The following TCEAL3 variants were observed in gnomAD, a reference collection of about 807,000 sequenced individuals.
TCEAL3 encodes transcription elongation factor A protein-like 3.
For synonymous variants in TCEAL3, 41 were observed against 60.2 expected (o/e 0.68, Z 1.48); for missense variants, 99 against 156.4 (o/e 0.63, Z 1.96).
At chrX:103,608,779 C>A in intron 2 of TCEAL3, 106 bp downstream of exon 2, 1 of 454,115 alleles carries the variant, frequency 2.2e-6, no homozygotes, top group Non-Finnish European at 3.6e-6. Context: ...CCATCCCCCA[C>A]TCACATGAAC....
In TCEAL3 at chrX:103,609,571, A is replaced by G. The variant is rs201938294; in HGVS notation, c.507A>G (p.Val169=). The G allele has an allele frequency of 1.8e-5, 22 of 1,209,618 alleles. No individual in the cohort carries two copies. The highest frequency in any genetic ancestry group is 2.5e-5 in the Non-Finnish European group (22 of 895,139). ...GTTTTCATTGGATGCAAAGAGATGT[A>G]CAGGATCCATTCGCCCCAAGGGGAC... ...MGGFHWMQRD[V]QDPFAPRGQR... is the part of the protein sequence containing the mutation. The change falls in exon 3 of 3, where the codon GTA becomes GTG. Residue 169 remains valine (V), a synonymous_variant. Coordinates refer to ENST00000372627, the MANE Select transcript of TCEAL3 (RefSeq NM_032926.3).
At chrX:103,608,436 G>T (rs2073639765) in intron 1 of TCEAL3, among the ~76,000 whole-genome samples, 168 bp from the exon 2 acceptor site, 1 of 112,283 alleles carries the variant, frequency 8.9e-6, no homozygotes, top group Admixed American at 9.3e-5. Context: ...AGTTTGGAAA[G>T]CATCCTGGTT....
rs761800942 is a variant in TCEAL3, at chrX:103,609,177, T to C, written c.113T>C (p.Val38Ala). 5 of 1,209,572 alleles carry C rather than the reference T, an allele frequency of 4.1e-6. No individual in the cohort carries two copies. The highest frequency in any genetic ancestry group is 2.2e-5 in the Admixed American group (1 of 45,881). Residue 38 changes from valine to alanine, a missense_variant, in exon 3 of 3, where the codon GTG (valine) becomes GCG (alanine). Val to Ala is a moderately conservative substitution (Grantham distance 64, BLOSUM62 0). Coordinates refer to ENST00000372627, the MANE Select transcript of TCEAL3 (RefSeq NM_032926.3). ...GKSDEEEKPD[V>A]EGKTECEGKR... ...TCAGACGAGGAAGAAAAGCCAGACG[T>C]GGAGGGGAAGACAGAATGCGAGGGA... is the stretch of plus-strand genomic sequence containing the variant.
At position 103,609,050 on chromosome X, in the gene TCEAL3, A is replaced by G; in HGVS notation, c.-15A>G. On this transcript the variant is annotated 5_prime_UTR_variant, in exon 3 of 3. Coordinates refer to ENST00000372627, the MANE Select transcript of TCEAL3 (RefSeq NM_032926.3). ...TCCCATCCCCCAGGACAGGAAAAGG[A>G]GGGGAAATCTCGACATGGAAAAACC... The G allele has an allele frequency of 8.4e-7, 1 of 1,195,338 alleles. No homozygotes were observed. Among genetic ancestry groups the G allele is most frequent in the Non-Finnish European group, 1.1e-6 (1 of 888,286 alleles).
Position 103,609,813 on chromosome X carries a change from C to G in TCEAL3, c.*146C>G, listed in dbSNP as rs924799338. 2.7e-6 allele frequency: 2 copies of G among 745,510 alleles called. No individual in the cohort carries two copies. Among genetic ancestry groups the G allele is most frequent in the African/African-American group, 4.3e-5 (2 of 46,186 alleles). The allele number at this position is 745,510 out of a possible 1,213,427, so 61.4% of individuals were successfully genotyped here. A position where few individuals can be genotyped will look rare whatever the true frequency, so the allele number is the denominator to read the frequency against. On this transcript the variant is annotated 3_prime_UTR_variant, in exon 3 of 3. Transcript: ENST00000372627. ...TCTCGTTACCAGCAGCCTTTTGACC[C>G]AACTACGGCGCTCTATATTTTAGTA...
chrX:103,609,714 C>T lies in TCEAL3; in HGVS notation c.*47C>T. On this transcript the variant is annotated 3_prime_UTR_variant, in exon 3 of 3. Coordinates refer to ENST00000372627, the MANE Select transcript of TCEAL3 (RefSeq NM_032926.3). ...ATTTCTCTGATGAGAATATTGCTGG[C>T]CCTGCTTTCCCTGGTAGGTATTTGC... The T allele has an allele frequency of 1.7e-6, 2 of 1,179,175 alleles. No homozygotes were observed. The highest frequency in any genetic ancestry group is 2.3e-6 in the Non-Finnish European group (2 of 876,830).
At position 103,608,583 on chromosome X, in the gene TCEAL3, CT is replaced by C; in HGVS notation, c.-97-20del. ...ACCGCTGACTGCGCAGCCCCTACCCCTGTCTCCTGTCTGTCCGCAGGTCTGC... is the reference window on the plus strand; with the variant it reads ...ACCGCTGACTGCGCAGCCCCTACCCCGTCTCCTGTCTGTCCGCAGGTCTGC... On this transcript the variant is annotated intron_variant, in intron 1 of 2. Transcript: ENST00000372627. 1 of 572,202 alleles carries C rather than the reference CT, an allele frequency of 1.7e-6. No homozygotes were observed. 47.2% of individuals were successfully genotyped at this position (572,202 alleles called of 1,213,427 possible). A position where few individuals can be genotyped will look rare whatever the true frequency, so the allele number is the denominator to read the frequency against.
intron 2 of TCEAL3, 134 bp from the exon 3 acceptor site, chrX:103,608,904 G>T: frequency 4.3e-6 from 4 of 929,950 alleles, no homozygotes; most frequent in East Asian, 3.4e-5. Flanking sequence ...AGGCCCTCTT[G>T]GGGGCCCTGC....
At chrX:103,608,919 T>A (rs2073642481) in intron 2 of TCEAL3, 119 bp from the exon 3 acceptor site, 1 of 1,022,272 alleles carries the variant, frequency 9.8e-7, no homozygotes, top group African/African-American at 1.9e-5. Context: ...CCCTGCCAGC[T>A]TAGGGGAACC....
chrX:103,609,520 G>A lies in TCEAL3; in HGVS notation c.456G>A (p.Glu152=). Residue 152 remains glutamate, a synonymous_variant, in exon 3 of 3, where the codon GAG becomes GAA. Coordinates refer to ENST00000372627, the MANE Select transcript of TCEAL3 (RefSeq NM_032926.3). ...ECGDVSRAQE[E]LRKKQKMGGF... is the part of the protein sequence containing the mutation. Reference sequence around the variant, plus strand: ...GAGATGTGTCAAGGGCTCAAGAGGAGCTAAGGAAAAAACAGAAAATGGGTG... The same window carrying A: ...GAGATGTGTCAAGGGCTCAAGAGGAACTAAGGAAAAAACAGAAAATGGGTG... 2 of 1,211,711 alleles carry A rather than the reference G, an allele frequency of 1.7e-6. No individual in the cohort carries two copies. The highest frequency in any genetic ancestry group is 2.2e-6 in the Non-Finnish European group (2 of 895,513).
At chrX:103,608,849 T>C (rs1347174954) in intron 2 of TCEAL3, among the ~76,000 whole-genome samples, 176 bp downstream of exon 2, 1 of 113,031 alleles carries the variant, frequency 8.8e-6, no homozygotes, top group Non-Finnish European at 1.9e-5. Context: ...AGGGAATGGC[T>C]GGCTCACGTG....
chrX:103,607,991 C>A lies in TCEAL3; in HGVS notation c.-165C>A, dbSNP rs891199462. On this transcript the variant is annotated 5_prime_UTR_variant, in exon 1 of 3. Coordinates refer to ENST00000372627, the MANE Select transcript of TCEAL3 (RefSeq NM_032926.3). ...GAACCAGCTGTCTGAGCTGCCCGGG[C>A]AGCGGGGGAGCAGCGAGCGGGCTTC... 8.8e-6 allele frequency: 1 copy of A among 113,293 alleles called. No homozygotes were observed. The highest frequency in any genetic ancestry group is 3.2e-5 in the African/African-American group (1 of 31,274). 9.3% of individuals were successfully genotyped at this position (113,293 alleles called of 1,213,427 possible).
At chrX:103,608,737 G>A in intron 2 of TCEAL3, 64 bp downstream of exon 2, 1 of 460,421 alleles carries the variant, frequency 2.2e-6, no homozygotes, top group Non-Finnish European at 3.6e-6. Flanking sequence ...AGAGTGTGGA[G>A]GGCCCGGCCA....
chrX:103,608,737 G>C lies in TCEAL3; in HGVS notation c.-28+64G>C, dbSNP rs2073641418. The C allele has an allele frequency of 8.7e-6, 4 of 460,422 alleles. No individual in the cohort carries two copies. In the South Asian group the frequency reaches 1.6e-4, roughly 19 times the overall value. The allele number at this position is 460,422 out of a possible 1,213,427, so 37.9% of individuals were successfully genotyped here. On this transcript the variant is annotated intron_variant, in intron 2 of 2. Transcript: ENST00000372627. ...GCCCTATAAGGGTTGAGAGTGTGGA[G>C]GGCCCGGCCAGGGCCGAACTGGGGC...
chrX:103,608,611 C>A lies in TCEAL3; in HGVS notation c.-90C>A. The A allele has an allele frequency of 1.5e-6, 1 of 651,850 alleles. No individual in the cohort carries two copies. The highest frequency in any genetic ancestry group is 2.3e-6 in the Non-Finnish European group (1 of 433,044). 53.7% of individuals were successfully genotyped at this position (651,850 alleles called of 1,213,427 possible). A position where few individuals can be genotyped will look rare whatever the true frequency, so the allele number is the denominator to read the frequency against. On this transcript the variant is annotated 5_prime_UTR_variant, in exon 2 of 3. Transcript: ENST00000372627. Reference sequence around the variant, plus strand: ...TCTCCTGTCTGTCCGCAGGTCTGCGCGTCTGTTCCCAGCGCTCTGCGAGGC... The same window carrying A: ...TCTCCTGTCTGTCCGCAGGTCTGCGAGTCTGTTCCCAGCGCTCTGCGAGGC...
rs954603259 is a variant in TCEAL3, at chrX:103,608,901, C to T, written c.-27-137C>T. 15 of 921,027 alleles carry T rather than the reference C, an allele frequency of 1.6e-5. No individual in the cohort carries two copies. In the South Asian group the frequency reaches 2.2e-4, roughly 14 times the overall value. The allele number at this position is 921,027 out of a possible 1,213,427, so 75.9% of individuals were successfully genotyped here. On this transcript the variant is annotated intron_variant, in intron 2 of 2. Coordinates refer to ENST00000372627, the MANE Select transcript of TCEAL3 (RefSeq NM_032926.3). Reference sequence around the variant, plus strand: ...GGCTACGTGGTGGGCAGAAGGCCCTCTTGGGGGCCCTGCCAGCTTAGGGGA... The same window carrying T: ...GGCTACGTGGTGGGCAGAAGGCCCTTTTGGGGGCCCTGCCAGCTTAGGGGA...
rs1238860751 is a variant in TCEAL3, at chrX:103,609,840, A to C, written c.*173A>C. The C allele has an allele frequency of 1.7e-6, 1 of 575,756 alleles. No individual in the cohort carries two copies. The highest frequency in any genetic ancestry group is 2.6e-6 in the Non-Finnish European group (1 of 379,826). 47.4% of individuals were successfully genotyped at this position (575,756 alleles called of 1,213,427 possible). ...ACTACGGCGCTCTATATTTTAGTAG[A>C]GGATTTTCACCCATGTGCATGGAAA... On this transcript the variant is annotated 3_prime_UTR_variant, in exon 3 of 3. Coordinates refer to ENST00000372627, the MANE Select transcript of TCEAL3 (RefSeq NM_032926.3).
chrX:103,608,480 G>A, intron 1 of TCEAL3, 124 bp from the exon 2 acceptor site: 3 of 206,532 alleles, frequency 1.5e-5, no homozygotes, highest in Non-Finnish European at 2.5e-5. Context: ...ATGGCGGCTG[G>A]GGTGCGGGGG....
rs1020926992 is a variant in TCEAL3 at position 103,608,059 on chromosome X, G to A, written c.-98+1G>A. On this transcript the variant is annotated splice_donor_variant, in intron 1 of 2. Transcript: ENST00000372627. LOFTEE classifies it low-confidence loss of function (5UTR_SPLICE). Reference sequence around the variant, plus strand: ...ACAGGCCTGTCCCGGGTCCCGGCAGGTCAGTGTGAAGGTGGGCGCTGCCGG... The same window carrying A: ...ACAGGCCTGTCCCGGGTCCCGGCAGATCAGTGTGAAGGTGGGCGCTGCCGG... The A allele has an allele frequency of 8.8e-6, 1 of 113,421 alleles. No homozygotes were observed. The highest frequency in any genetic ancestry group is 3.2e-5 in the African/African-American group (1 of 31,307). The allele number at this position is 113,421 out of a possible 1,213,427, so 9.3% of individuals were successfully genotyped here.
Sources: allele counts gnomAD v4.1 joint callset (sites outside exome capture counted in the v4.1 genomes callset), GRCh38; gene constraint gnomAD v4.1.1; transcripts MANE v1.5; gene names NCBI Gene and HGNC (gene_info 2026-07-23, HGNC 2026-07-21).